COBL: variants seen among roughly 807,000 people sequenced by gnomAD.
The protein encoded by COBL is cordon-bleu WH2 repeat protein.
COBL carries 51 observed loss-of-function variants against 98.8 expected under a neutral mutation model. That is an observed-to-expected ratio of 0.52 (90% CI 0.41 to 0.65). The LOEUF is 0.65. COBL is among the 30% of genes least tolerant of loss of function. The pLI, the probability that COBL is intolerant of heterozygous loss-of-function variation, is 0.00. For missense variants in COBL, 1,617 were observed against 1,617.5 expected (o/e 1.00, Z 0.01); for synonymous variants, 634 against 651.7 (o/e 0.97, Z 0.41).
rs369254567 is a variant in COBL, at chr7:51,029,018, T to C, written c.2078A>G (p.Gln693Arg). The change falls in exon 10 of 13, where the codon CAA becomes CGA. Residue 693 changes from glutamine (Q) to arginine (R), a missense_variant. Around this residue, in one of 3 missense-constraint regions of COBL, gnomAD observed 1,304 missense variants for 1,282.0 expected, o/e 1.02. Transcript: ENST00000265136. ...AAGTCTGTAGCTTTTCCCTGGGTTT[T>C]GGCCTCGTTGGTGCCATGATGTTGG... is the stretch of plus-strand genomic sequence containing the variant. Reference protein sequence around the residue: ...LAPTSWHQRGQNPGKSYRLKH... With the variant: ...LAPTSWHQRGRNPGKSYRLKH... The C allele has an allele frequency of 1.5e-5, 25 of 1,614,090 alleles. No homozygotes were observed. Among genetic ancestry groups the C allele is most frequent in the Non-Finnish European group, 1.9e-5 (23 of 1,180,048 alleles).
At chr7:51,192,717 G>T (rs987087588) in intron 3 of COBL, among the ~76,000 whole-genome samples, 3 of 152,138 alleles carry the variant, frequency 2.0e-5, no homozygotes, top group African/African-American at 7.2e-5. Context: ...TTCTCCAAAT[G>T]CAATGAATAA....
intron 5 of COBL, among the ~76,000 whole-genome samples, chr7:51,157,510 TGATGGGACAGACTCAAAGTGTGCCCAG>T (rs1786293334): frequency 1.3e-5 from 2 of 152,366 alleles, no homozygotes; most frequent in South Asian, 2.1e-4. Context: ...CCTGGTCTGC[TGATGGGACAGACTCAAAGTGTGCCCAG>T]GGCAAGTGGT....
At chr7:51,288,551 G>A (rs1217286588) in intron 1 of COBL, among the ~76,000 whole-genome samples, 6 of 151,898 alleles carry the variant, frequency 4.0e-5, no homozygotes, top group African/African-American at 7.3e-5. Flanking sequence ...TCAGGAGTTC[G>A]AGACCAGCCT....
chr7:51,233,541 C>G (rs928294390), intron 1 of COBL, among the ~76,000 whole-genome samples: 2 of 152,178 alleles, frequency 1.3e-5, no homozygotes, highest in Non-Finnish European at 2.9e-5. Context: ...AGACAGCAGG[C>G]CGTGCGCTCT....
intron 5 of COBL, among the ~76,000 whole-genome samples, chr7:51,149,762 C>T (rs575156234): frequency 1.9e-3 from 295 of 152,250 alleles, no homozygotes; most frequent in African/African-American, 6.5e-3. Flanking sequence ...CCCACCACCA[C>T]GCCTGGCTAA....
At chr7:51,104,212 A>G (rs1344382023) in intron 6 of COBL, among the ~76,000 whole-genome samples, 1 of 152,270 alleles carries the variant, frequency 6.6e-6, no homozygotes, top group Admixed American at 6.5e-5. Context: ...CTAACATTTT[A>G]GTATAATGAA....
At chr7:51,177,807 T>C (rs1788532921) in intron 5 of COBL, among the ~76,000 whole-genome samples, 1 of 150,082 alleles carries the variant, frequency 6.7e-6, no homozygotes, top group Non-Finnish European at 1.5e-5. Context: ...AATAAATAAA[T>C]AAATAAATAA....
chr7:51,200,392 T>C (rs186658282), intron 2 of COBL, among the ~76,000 whole-genome samples: 1 of 152,280 alleles, frequency 6.6e-6, no homozygotes, highest in African/African-American at 2.4e-5. Context: ...AGTATACAAA[T>C]TAGAAGGCAA....
chr7:51,156,395 G>A lies in COBL; in HGVS notation c.784-20064C>T, dbSNP rs955342290. ...ACTTCCGAAATGTCCCTTTCTGAAA[G>A]CTCACCGAAGTGTCTCTTCTGAAGG... On this transcript the variant is annotated intron_variant, in intron 5 of 12. Transcript: ENST00000265136. 3 of 985,144 alleles carry A rather than the reference G, an allele frequency of 3.0e-6. No homozygotes were observed. The African/African-American group carries it at 5.2e-5, about 17-fold the overall frequency. 61.0% of individuals were successfully genotyped at this position (985,144 alleles called of 1,614,324 possible).
At chr7:51,187,512 T>C (rs1789662309) in intron 4 of COBL, among the ~76,000 whole-genome samples, 1 of 152,178 alleles carries the variant, frequency 6.6e-6, no homozygotes, top group Non-Finnish European at 1.5e-5. Flanking sequence ...AAATCCATAC[T>C]GTCCCAAATT....
At chr7:51,149,315 G>C (rs1167442797) in intron 5 of COBL, among the ~76,000 whole-genome samples, 1 of 152,040 alleles carries the variant, frequency 6.6e-6, no homozygotes, top group Non-Finnish European at 1.5e-5. Flanking sequence ...CCCCACCTGT[G>C]GTCAAAGACA....
At chr7:51,165,964 G>C (rs951827411) in intron 5 of COBL, among the ~76,000 whole-genome samples, 4 of 151,792 alleles carry the variant, frequency 2.6e-5, no homozygotes, top group African/African-American at 9.7e-5. Context: ...TACAGCAAAA[G>C]GAGTACTAAG....
At chr7:51,030,532 T>C (rs1346360384) in intron 9 of COBL, among the ~76,000 whole-genome samples, 1 of 152,224 alleles carries the variant, frequency 6.6e-6, no homozygotes, top group African/African-American at 2.4e-5. Flanking sequence ...TTCTTTAACA[T>C]GTGTGGCATA....
At chr7:51,141,775 G>C (rs531542123) in intron 5 of COBL, among the ~76,000 whole-genome samples, 2 of 152,012 alleles carry the variant, frequency 1.3e-5, no homozygotes, top group African/African-American at 4.8e-5. Flanking sequence ...CAGATGAGGC[G>C]AACGGGCACT....
At chr7:51,110,038 C>T (rs972967186) in intron 6 of COBL, among the ~76,000 whole-genome samples, 2 of 152,166 alleles carry the variant, frequency 1.3e-5, no homozygotes, top group African/African-American at 4.8e-5. Flanking sequence ...TATTTTGATA[C>T]AAGCTTACAA....
At chr7:51,115,065 T>C (rs575579093) in intron 6 of COBL, among the ~76,000 whole-genome samples, 1 of 152,362 alleles carries the variant, frequency 6.6e-6, no homozygotes, top group Admixed American at 6.5e-5. Context: ...CTCCATTTCA[T>C]CTAAGTTTTC....
chr7:51,126,345 G>T (rs1049046998), intron 6 of COBL, among the ~76,000 whole-genome samples: 5 of 152,194 alleles, frequency 3.3e-5, no homozygotes, highest in Admixed American at 2.0e-4. Context: ...AAAGTGTTCA[G>T]AGACCTACTC....
At chr7:51,109,098 C>T (rs1049288966) in intron 6 of COBL, among the ~76,000 whole-genome samples, 11 of 152,192 alleles carry the variant, frequency 7.2e-5, no homozygotes, top group Non-Finnish European at 1.6e-4. Context: ...CTGATGGTCA[C>T]ATCCAAAGGT....
intron 7 of COBL, among the ~76,000 whole-genome samples, chr7:51,067,287 A>G (rs1173879485): frequency 6.6e-6 from 1 of 152,276 alleles, no homozygotes; most frequent in Non-Finnish European, 1.5e-5. Flanking sequence ...ACAAATGTAT[A>G]TAGATGTGCA....
Sources: gnomAD v4.1 joint callset for allele counts (sites outside exome capture counted in the v4.1 genomes callset) on GRCh38, gnomAD v4.1.1 for gene constraint, gnomAD v4.1.1 regional missense constraint, MANE v1.5 for transcripts, NCBI Gene and HGNC (gene_info 2026-07-23, HGNC 2026-07-21) for gene names.